Variants in RBFOX3 observed in about 807,000 individuals in gnomAD.
The protein encoded by RBFOX3 is RNA binding fox-1 homolog 3, also known as RNA binding protein fox-1 homolog 3.
A neutral mutation model predicts 48.7 loss-of-function variants in RBFOX3; 17 were observed. That is an observed-to-expected ratio of 0.35 (90% CI 0.24 to 0.52). The LOEUF is 0.52. Ranked by LOEUF, RBFOX3 falls within the 20% of genes least tolerant of loss-of-function variation. The probability of loss-of-function intolerance (pLI) is 0.94; values close to 1 mark genes in which losing one functional copy is unlikely to be tolerated. For synonymous variants in RBFOX3, 212 were observed against 209.5 expected, an observed-to-expected ratio of 1.01 and a Z score of -0.10; for missense variants, 382 against 497.5, an observed-to-expected ratio of 0.77 and a Z score of 2.21.
intron 1 of RBFOX3, among the ~76,000 whole-genome samples, chr17:79,558,034 G>A (rs913616872): frequency 2.4e-4 from 37 of 152,172 alleles, no homozygotes; most frequent in Non-Finnish European, 1.6e-4. Flanking sequence ...AAAGCAGCCT[G>A]AAACTGCTAT....
At chr17:79,298,585 A>G (rs1343215404) in intron 3 of RBFOX3, among the ~76,000 whole-genome samples, 2 of 152,284 alleles carry the variant, frequency 1.3e-5, no homozygotes, top group African/African-American at 2.4e-5. Flanking sequence ...TGCTTGGTGG[A>G]ACACGGCACA....
intron 4 of RBFOX3, among the ~76,000 whole-genome samples, chr17:79,188,488 A>G (rs1042504755): frequency 2.0e-4 from 30 of 152,214 alleles, no homozygotes; most frequent in African/African-American, 7.0e-4. Context: ...GCAAAATTAA[A>G]CATAATAAAT....
At chr17:79,365,737 C>T (rs2057646742) in intron 2 of RBFOX3, among the ~76,000 whole-genome samples, 1 of 152,238 alleles carries the variant, frequency 6.6e-6, no homozygotes, top group South Asian at 2.1e-4. Context: ...ACCCCATATT[C>T]TATGGGGACG....
chr17:79,540,793 G>A (rs762580717), intron 1 of RBFOX3, among the ~76,000 whole-genome samples: 3 of 152,164 alleles, frequency 2.0e-5, no homozygotes, highest in African/African-American at 4.8e-5. Context: ...TTCTTGAAGG[G>A]GTTTCTAAGC....
the RBFOX3 span, among the ~76,000 whole-genome samples, chr17:79,660,151 C>T: frequency 0.017 from 2,512 of 152,202 alleles, 48 homozygotes; most frequent in African/African-American, 0.035. Flanking sequence ...AACACCACTG[C>T]GTTCCAGCCT....
chr17:79,645,104 C>T, the RBFOX3 span, among the ~76,000 whole-genome samples: 3 of 152,340 alleles, frequency 2.0e-5, no homozygotes, highest in East Asian at 5.8e-4. Flanking sequence ...AATTCTGCCA[C>T]CACTGCTCAG....
At position 79,390,372 on chromosome 17, in the gene RBFOX3, G is replaced by A. The variant is rs1479125432; in HGVS notation, c.-174-82548C>T. Among the ~76,000 whole-genome samples the A allele has an allele frequency of 1.3e-5, 2 of 152,208 alleles. No homozygotes were observed. The highest frequency in any genetic ancestry group is 4.8e-5 in the African/African-American group (2 of 41,436). The stretch of plus-strand genomic sequence containing the variant: ...GTTTCATCACGACCATCACGGCCAG[G>A]TGACGGGTTCCAGCTCATTCGGGGC... On this transcript the variant is annotated intron_variant, in intron 2 of 14. Transcript: ENST00000693108. The surrounding 1 kb of genome is among the most constrained non-coding windows in gnomAD (Gnocchi z 4.2).
At chr17:79,444,185 G>T (rs1358003701) in intron 2 of RBFOX3, among the ~76,000 whole-genome samples, 3 of 152,156 alleles carry the variant, frequency 2.0e-5, no homozygotes, top group African/African-American at 7.2e-5. Context: ...GGCCAAGGAG[G>T]GGGCTGCAGA....
chr17:79,296,268 C>T (rs1318687379), intron 3 of RBFOX3, among the ~76,000 whole-genome samples: 2 of 151,340 alleles, frequency 1.3e-5, no homozygotes, highest in East Asian at 1.9e-4. Context: ...TTAACCCCCA[C>T]CCCGCAAAAA....
At position 79,469,155 on chromosome 17, in the gene RBFOX3, A is replaced by G. The variant is rs868985625; in HGVS notation, c.-175+13299T>C. ...GAGAAAATGTAGGGAAAAAACCCCT[A>G]TATTTTCCCCTACACCTTCTCCTTT... On this transcript the variant is annotated intron_variant, in intron 2 of 14. Coordinates refer to ENST00000693108, the MANE Select transcript of RBFOX3 (RefSeq NM_001350451.2). Among the ~76,000 whole-genome samples, 1,079 of 152,176 alleles carry G rather than the reference A, an allele frequency of 7.1e-3. 12 individuals carry two copies. Among genetic ancestry groups the G allele is most frequent in the African/African-American group, 0.025 (1,028 of 41,506 alleles).
intron 1 of RBFOX3, among the ~76,000 whole-genome samples, chr17:79,554,021 A>G (rs1158098097): frequency 1.3e-5 from 2 of 152,334 alleles, no homozygotes; most frequent in African/African-American, 4.8e-5. Flanking sequence ...GGCGTGAGCC[A>G]CTGTGCCTGG....
chr17:79,627,532 T>G, the RBFOX3 span, among the ~76,000 whole-genome samples: 4 of 152,104 alleles, frequency 2.6e-5, no homozygotes, highest in Non-Finnish European at 5.9e-5. Flanking sequence ...GAGTGAGACC[T>G]GTGATTCTAT....
intron 3 of RBFOX3, among the ~76,000 whole-genome samples, chr17:79,268,346 C>T (rs2067087850): frequency 6.6e-6 from 1 of 152,136 alleles, no homozygotes; most frequent in Admixed American, 6.5e-5. Context: ...AAGTTCTCCC[C>T]TGGGCATGAC....
chr17:79,536,739 T>C (rs112508088), intron 1 of RBFOX3, among the ~76,000 whole-genome samples: 23 of 152,374 alleles, frequency 1.5e-4, no homozygotes, highest in African/African-American at 4.3e-4. Flanking sequence ...GGCAGGTGTG[T>C]GTGTGTGACT....
chr17:79,617,558 C>T, the RBFOX3 span, among the ~76,000 whole-genome samples: 1 of 152,172 alleles, frequency 6.6e-6, no homozygotes, highest in Non-Finnish European at 1.5e-5. Context: ...CTAGAAACCT[C>T]GACTTCATCC....
At chr17:79,209,566 A>C (rs2058066508) in intron 4 of RBFOX3, among the ~76,000 whole-genome samples, 1 of 152,162 alleles carries the variant, frequency 6.6e-6, no homozygotes, top group Non-Finnish European at 1.5e-5. Flanking sequence ...CTCTGCAGAG[A>C]GATGAACCAC....
At position 79,429,483 on chromosome 17, in the gene RBFOX3, C is replaced by T. The variant is rs144338814; in HGVS notation, c.-175+52971G>A. On this transcript the variant is annotated intron_variant, in intron 2 of 14. Coordinates refer to ENST00000693108, the MANE Select transcript of RBFOX3 (RefSeq NM_001350451.2). ...AGCAGGCTGGGCAGGAGGAGGGAGG[C>T]CATGCCGTGGACTGGGCCAGGGTTT... 3.4e-3 allele frequency among the ~76,000 whole-genome samples: 524 copies of T among 152,188 alleles called. 5 individuals carry two copies. Among genetic ancestry groups the T allele is most frequent in the African/African-American group, 0.012 (497 of 41,532 alleles).
intron 2 of RBFOX3, among the ~76,000 whole-genome samples, chr17:79,380,985 G>A (rs1398705266): frequency 6.6e-6 from 1 of 152,210 alleles, no homozygotes; most frequent in Non-Finnish European, 1.5e-5. Context: ...AAAGAGGCCA[G>A]GTGCAGTGGC....
the RBFOX3 span, among the ~76,000 whole-genome samples, chr17:79,630,812 G>A: frequency 6.6e-6 from 1 of 152,148 alleles, no homozygotes; most frequent in Non-Finnish European, 1.5e-5. Context: ...CAGCGGGTCT[G>A]CATTATTGAC....
Sources: gnomAD v4.1 joint callset for allele counts (sites outside exome capture counted in the v4.1 genomes callset) on GRCh38, gnomAD v4.1.1 for gene constraint, Gnocchi (gnomAD v3.1) non-coding constraint, MANE v1.5 for transcripts, NCBI Gene and HGNC (gene_info 2026-07-23, HGNC 2026-07-21) for gene names.